The following FBXO31 variants were observed in gnomAD, a reference collection of about 807,000 sequenced individuals.
FBXO31 encodes F-box only protein 31.
FBXO31 carries 24 observed loss-of-function variants against 54.4 expected under a neutral mutation model. The observed-to-expected ratio is 0.44, with a 90% CI of 0.32 to 0.62. The LOEUF (loss-of-function observed/expected upper bound fraction) is 0.62. FBXO31 is among the 20% of genes least tolerant of loss of function. The pLI, the probability that FBXO31 is intolerant of heterozygous loss-of-function variation, is 0.05. For synonymous variants in FBXO31, 388 were observed against 335.6 expected (o/e 1.16, Z -1.71); for missense variants, 665 against 787.1 (o/e 0.84, Z 1.86).
At chr16:87,387,077 T>C (rs117974765), upstream of FBXO31, among the ~76,000 whole-genome samples, 1,773 of 151,900 alleles carry the variant, frequency 0.012, 9 homozygotes, top group Non-Finnish European at 0.018. Flanking sequence ...GCAGGGAAGA[T>C]TGCTTGAGCC....
intron 5 of FBXO31, 96 bp downstream of exon 5, chr16:87,342,781 A>G (rs1183405328): frequency 6.7e-6 from 7 of 1,045,110 alleles, no homozygotes; most frequent in Non-Finnish European, 8.3e-6. Context: ...TGCAGGTCGC[A>G]TGCTGCTGAC....
chr16:87,390,588 C>G (rs1013995326), upstream of FBXO31, among the ~76,000 whole-genome samples: 4 of 151,382 alleles, frequency 2.6e-5, no homozygotes, highest in Non-Finnish European at 4.4e-5. Flanking sequence ...TTACAGGCGC[C>G]TGCCACCACA....
chr16:87,353,049 G>T (rs1220175234), intron 2 of FBXO31, among the ~76,000 whole-genome samples: 2 of 152,178 alleles, frequency 1.3e-5, no homozygotes, highest in East Asian at 1.9e-4. Flanking sequence ...GGACTCTACG[G>T]AAGAAATTGG....
chr16:87,375,880 T>G (rs1027933952), intron 1 of FBXO31, among the ~76,000 whole-genome samples: 34 of 152,148 alleles, frequency 2.2e-4, no homozygotes, highest in African/African-American at 7.9e-4. Context: ...TAGAAAAGAT[T>G]TAACCCACCA....
chr16:87,351,180 G>A (rs921276928), intron 2 of FBXO31, among the ~76,000 whole-genome samples: 4 of 152,148 alleles, frequency 2.6e-5, no homozygotes, highest in African/African-American at 9.7e-5. Flanking sequence ...GAGTCCTTAC[G>A]AAGCATGGCT....
intron 1 of FBXO31, among the ~76,000 whole-genome samples, chr16:87,369,338 T>G (rs2150691558): frequency 6.6e-6 from 1 of 152,212 alleles, no homozygotes; most frequent in African/African-American, 2.4e-5. Context: ...GAGCGGCAAC[T>G]CCACACTTCC....
upstream of FBXO31, among the ~76,000 whole-genome samples, chr16:87,384,499 C>A (rs1347087738): frequency 6.6e-6 from 1 of 152,236 alleles, no homozygotes; most frequent in Non-Finnish European, 1.5e-5. Flanking sequence ...GGCGCCTGTT[C>A]CTGCAGCTGC....
At position 87,345,443 on chromosome 16, in the gene FBXO31, A is replaced by G. The variant is rs1297312974; in HGVS notation, c.490-1678T>C. Among the ~76,000 whole-genome samples, 1 of 152,158 alleles carries G rather than the reference A, an allele frequency of 6.6e-6. No individual in the cohort carries two copies. Among genetic ancestry groups the G allele is most frequent in the African/African-American group, 2.4e-5 (1 of 41,440 alleles). On this transcript the variant is annotated intron_variant, in intron 3 of 8. Coordinates refer to ENST00000311635, the MANE Select transcript of FBXO31 (RefSeq NM_024735.5). The surrounding 1 kb of genome is among the most constrained non-coding windows in gnomAD (Gnocchi z 4.9). ...AGAGCCCGCAGAGCACCACCTCCTC[A>G]CCCCACAGGGACACCTGCAAATACC...
chr16:87,376,296 C>T (rs551005083), intron 1 of FBXO31, among the ~76,000 whole-genome samples: 25 of 149,724 alleles, frequency 1.7e-4, no homozygotes, highest in African/African-American at 4.9e-4. Flanking sequence ...TTTGTTAAGA[C>T]AGAGTCTTAC....
intron 2 of FBXO31, among the ~76,000 whole-genome samples, chr16:87,349,908 CA>C (rs11305127): frequency 0.35 from 50,558 of 142,924 alleles, 11,000 homozygotes; most frequent in Non-Finnish European, 0.52. Flanking sequence ...GACCCTATCT[CA>C]AAAAAAAAAA....
At position 87,330,357 on chromosome 16, in the gene FBXO31, C is replaced by T. The variant is rs1003118987; in HGVS notation, c.*931G>A. The T allele has an allele frequency of 7.2e-5, 11 of 152,256 alleles. No homozygotes were observed. The highest frequency in any genetic ancestry group is 5.8e-4 in the East Asian group (3 of 5,200). The allele number at this position is 152,256 out of a possible 1,614,324, so 9.4% of individuals were successfully genotyped here. ...GGGTTTCCTCGTCATCTCATATGGGCACTCCTGGCACCTGTGTGGACCACT... is the reference window on the plus strand; with the variant it reads ...GGGTTTCCTCGTCATCTCATATGGGTACTCCTGGCACCTGTGTGGACCACT... On this transcript the variant is annotated 3_prime_UTR_variant, in exon 9 of 9. Transcript: ENST00000311635.
intron 5 of FBXO31, among the ~76,000 whole-genome samples, chr16:87,337,038 C>T (rs1905062940): frequency 6.6e-6 from 1 of 152,222 alleles, no homozygotes; most frequent in Admixed American, 6.5e-5. Flanking sequence ...CGCTTTCATA[C>T]ATCACTGCTC....
chr16:87,346,532 G>C lies in FBXO31; in HGVS notation c.489+642C>G, dbSNP rs1222071819. On this transcript the variant is annotated intron_variant, in intron 3 of 8. Transcript: ENST00000311635. This position sits in a 1 kb window ranked among gnomAD's most constrained non-coding sequence, Gnocchi z 4.2. Reference sequence around the variant, plus strand: ...CAGGCACTGCCATGGCAGACCCAACGAACAGGAAAGAAATGTCCTCACGGG... The same window carrying C: ...CAGGCACTGCCATGGCAGACCCAACCAACAGGAAAGAAATGTCCTCACGGG... 6.6e-6 allele frequency among the ~76,000 whole-genome samples: 1 copy of C among 152,206 alleles called. No homozygotes were observed. Among genetic ancestry groups the C allele is most frequent in the Admixed American group, 6.5e-5 (1 of 15,286 alleles).
At chr16:87,364,842 C>T (rs1194905089) in intron 1 of FBXO31, among the ~76,000 whole-genome samples, 2 of 150,330 alleles carry the variant, frequency 1.3e-5, no homozygotes, top group African/African-American at 2.5e-5. Flanking sequence ...GGCAACATGG[C>T]GAGAGCCCAT....
Position 87,343,676 on chromosome 16 carries a change from C to T in FBXO31, c.579G>A (p.Arg193=), listed in dbSNP as rs144012496. The part of the protein sequence containing the change: ...DDPMRFKPLF[R]IHLMERKAAT... The stretch of plus-strand genomic sequence containing the variant: ...CAGCCTTCCTCTCCATCAGGTGGAT[C>T]CTGAACAGAGGCTTGAATCTCATAG... Residue 193 remains arginine, a synonymous_variant, in exon 4 of 9, where the codon AGG becomes AGA. Coordinates refer to ENST00000311635, the MANE Select transcript of FBXO31 (RefSeq NM_024735.5). The T allele has an allele frequency of 6.2e-7, 1 of 1,614,254 alleles. No individual in the cohort carries two copies. Among genetic ancestry groups the T allele is most frequent in the Admixed American group, 1.7e-5 (1 of 60,028 alleles).
At chr16:87,373,870 A>G (rs1906708988) in intron 1 of FBXO31, among the ~76,000 whole-genome samples, 1 of 152,228 alleles carries the variant, frequency 6.6e-6, no homozygotes, top group South Asian at 2.1e-4. Flanking sequence ...GCTGGCTTTA[A>G]ATTTCTCATT....
At position 87,331,342 on chromosome 16, in the gene FBXO31, C is replaced by T. The variant is rs544042571; in HGVS notation, c.1566G>A (p.Pro522=). 6.6e-5 allele frequency: 107 copies of T among 1,613,872 alleles called. No homozygotes were observed. The highest frequency in any genetic ancestry group is 8.0e-5 in the African/African-American group (6 of 74,924). The change falls in exon 9 of 9, where the codon CCG becomes CCA. Residue 522 remains proline, a synonymous_variant. Coordinates refer to ENST00000311635, the MANE Select transcript of FBXO31 (RefSeq NM_024735.5). ...VQATFRNADA[P]SPQAFDEMLK... ...GCATCTCATCGAAGGCCTGTGGGGA[C>T]GGCGCATCTGCGTTCCGGAAGGTGG...
At chr16:87,343,860 G>T (rs1444624975) in intron 3 of FBXO31, 95 bp from the exon 4 acceptor site, 2 of 1,357,156 alleles carry the variant, frequency 1.5e-6, no homozygotes, top group Non-Finnish European at 2.1e-6. Flanking sequence ...GCACAGAGAA[G>T]CTCCTGCCAG....
chr16:87,360,327 G>A lies in FBXO31; in HGVS notation c.380C>T (p.Thr127Ile). 6.2e-7 allele frequency: 1 copy of A among 1,614,214 alleles called. No homozygotes were observed. Among genetic ancestry groups the A allele is most frequent in the African/African-American group, 1.3e-5 (1 of 75,080 alleles). ...ATAGACGTCCCGACAAGACACGCCT[G>A]TGATCTCCAGCTTCCGCAAGTTTTC... Reference protein sequence around the residue: ...VCENLRKLEITGVSCRDVYAK... With the variant: ...VCENLRKLEIIGVSCRDVYAK... The change falls in exon 2 of 9, where the codon ACA becomes ATA. Residue 127 changes from threonine to isoleucine, a missense_variant. This residue lies in a region of FBXO31 where 234 missense variants were observed against 346.8 expected (regional missense o/e 0.67). Coordinates refer to ENST00000311635, the MANE Select transcript of FBXO31 (RefSeq NM_024735.5).
Sources: gnomAD v4.1 joint callset for allele counts (sites outside exome capture counted in the v4.1 genomes callset) on GRCh38, gnomAD v4.1.1 for gene constraint, gnomAD v4.1.1 regional missense constraint, Gnocchi (gnomAD v3.1) non-coding constraint, MANE v1.5 for transcripts, NCBI Gene and HGNC (gene_info 2026-07-23, HGNC 2026-07-21) for gene names.